ROBO2: variants seen among roughly 807,000 people sequenced by gnomAD.
The protein encoded by ROBO2 is roundabout guidance receptor 2, also known as roundabout homolog 2.
ROBO2 carries 53 observed loss-of-function variants against 160.8 expected under a neutral mutation model. That is an observed-to-expected ratio of 0.33 (90% CI 0.26 to 0.41). The LOEUF (loss-of-function observed/expected upper bound fraction) is 0.41. Ranked by LOEUF, ROBO2 falls within the 10% of genes least tolerant of loss-of-function variation. ROBO2 has a pLI of 1.00. For missense variants in ROBO2, 1,577 were observed against 1,722.4 expected, an observed-to-expected ratio of 0.92 and a Z score of 1.49; for synonymous variants, 664 against 611.7, an observed-to-expected ratio of 1.09 and a Z score of -1.26.
At chr3:77,524,265 T>C (rs548522912) in intron 6 of ROBO2, among the ~76,000 whole-genome samples, 7 of 136,476 alleles carry the variant, frequency 5.1e-5, no homozygotes, top group Non-Finnish European at 7.8e-5. Flanking sequence ...TAAAGGACTA[T>C]GATCATATAT....
intron 16 of ROBO2, among the ~76,000 whole-genome samples, chr3:77,582,970 T>C (rs551214110): frequency 1.3e-5 from 2 of 151,700 alleles, no homozygotes; most frequent in South Asian, 4.2e-4. Context: ...TGAAACCCCA[T>C]CTCTAGTAAA....
intron 2 of ROBO2, among the ~76,000 whole-genome samples, chr3:76,575,140 G>C (rs774982069): frequency 7.9e-5 from 12 of 151,998 alleles, no homozygotes; most frequent in Non-Finnish European, 1.5e-4. Context: ...AGTTACACAG[G>C]CTGGACTTGA....
At chr3:76,573,443 ATACTG>A (rs2085074377) in intron 2 of ROBO2, among the ~76,000 whole-genome samples, 1 of 152,074 alleles carries the variant, frequency 6.6e-6, no homozygotes, top group Non-Finnish European at 1.5e-5. Context: ...GATTAGAACC[ATACTG>A]TAAAGTTTCA....
chr3:76,885,825 G>T (rs1291478210), intron 2 of ROBO2, among the ~76,000 whole-genome samples: 1 of 152,022 alleles, frequency 6.6e-6, no homozygotes, highest in African/African-American at 2.4e-5. Context: ...TGCTCACATG[G>T]CACATTTTTC....
chr3:77,369,601 A>G (rs2071445064), intron 2 of ROBO2, among the ~76,000 whole-genome samples: 1 of 152,184 alleles, frequency 6.6e-6, no homozygotes. Context: ...ATTGGATCCC[A>G]TAGAACCATG....
At chr3:76,454,278 G>A (rs2077632396) in intron 2 of ROBO2, among the ~76,000 whole-genome samples, 2 of 152,278 alleles carry the variant, frequency 1.3e-5, no homozygotes, top group South Asian at 4.1e-4. Flanking sequence ...TGAATAATTT[G>A]TTAGTTTTGC....
At chr3:76,934,609 T>C (rs2077569710) in intron 2 of ROBO2, among the ~76,000 whole-genome samples, 1 of 151,992 alleles carries the variant, frequency 6.6e-6, no homozygotes, top group South Asian at 2.1e-4. Flanking sequence ...GACATGGTGG[T>C]GCATGCCTGT....
chr3:76,890,581 T>G (rs1262425602), intron 2 of ROBO2, among the ~76,000 whole-genome samples: 2 of 152,200 alleles, frequency 1.3e-5, no homozygotes, highest in Admixed American at 6.5e-5. Context: ...TGTATGTGTG[T>G]GTACAGTATT....
intron 2 of ROBO2, among the ~76,000 whole-genome samples, chr3:76,702,380 C>T (rs1228946840): frequency 1.3e-5 from 2 of 151,952 alleles, no homozygotes; most frequent in African/African-American, 4.8e-5. Flanking sequence ...AAATGAGTTT[C>T]ATTTAATGCA....
Position 76,532,007 on chromosome 3 carries a change from T to C in ROBO2, c.110-566007T>C, listed in dbSNP as rs141153396. 5.8e-4 allele frequency among the ~76,000 whole-genome samples: 88 copies of C among 152,234 alleles called. No homozygotes were observed. The East Asian group carries it at 0.016, about 28-fold the overall frequency. ...TTAGGCAGGAGTTAAACCCGTTTCT[T>C]TTCAACACCAGAACCTGAGCTCTTA... On this transcript the variant is annotated intron_variant, in intron 2 of 26. Coordinates refer to the ROBO2 transcript ENST00000487694.
chr3:76,454,029 T>C (rs2077616947), intron 2 of ROBO2, among the ~76,000 whole-genome samples: 1 of 152,130 alleles, frequency 6.6e-6, no homozygotes, highest in South Asian at 2.1e-4. Flanking sequence ...GTTGTGTGTT[T>C]CTCCAAAGAC....
intron 2 of ROBO2, among the ~76,000 whole-genome samples, chr3:76,664,522 A>G (rs764899055): frequency 4.6e-5 from 7 of 152,224 alleles, no homozygotes; most frequent in Non-Finnish European, 8.8e-5. Flanking sequence ...GAAGTTGAGT[A>G]TGGAGCTTGG....
At chr3:76,039,300 A>T (rs778921983) in intron 2 of ROBO2, among the ~76,000 whole-genome samples, 10 of 151,972 alleles carry the variant, frequency 6.6e-5, no homozygotes, top group African/African-American at 1.2e-4. Context: ...TTGAAGGGTG[A>T]TGGGTTGAAT....
chr3:76,589,448 C>T (rs1352002130), intron 2 of ROBO2, among the ~76,000 whole-genome samples: 4 of 152,166 alleles, frequency 2.6e-5, no homozygotes, highest in East Asian at 1.9e-4. Context: ...CTACAGGCGC[C>T]GCCACCACGC....
chr3:75,987,797 T>G (rs614854), intron 2 of ROBO2, among the ~76,000 whole-genome samples: 67,215 of 151,778 alleles, frequency 0.44, 16,290 homozygotes, highest in South Asian at 0.67. Context: ...ATTGAGACAA[T>G]TATGCTTATT....
chr3:76,856,411 C>T (rs1269999367), intron 2 of ROBO2, among the ~76,000 whole-genome samples: 1 of 152,100 alleles, frequency 6.6e-6, no homozygotes, highest in African/African-American at 2.4e-5. Context: ...ACACAGTTAC[C>T]CATTCCCTCC....
intron 2 of ROBO2, among the ~76,000 whole-genome samples, chr3:76,467,171 A>G (rs894856877): frequency 3.3e-5 from 5 of 152,120 alleles, no homozygotes; most frequent in African/African-American, 1.2e-4. Context: ...CTTTTTAACC[A>G]AGCCATTGGA....
chr3:77,486,475 G>T (rs1323579059), intron 4 of ROBO2, among the ~76,000 whole-genome samples: 1 of 152,104 alleles, frequency 6.6e-6, no homozygotes, highest in Non-Finnish European at 1.5e-5. Flanking sequence ...GCATGAGATG[G>T]TATCTCACTG....
At chr3:77,574,679 G>A in exon 14 of ROBO2, 1 of 1,613,236 alleles carries the variant, frequency 6.2e-7, no homozygotes, top group Non-Finnish European at 8.5e-7. Context: ...ATATTTTAAT[G>A]AGTTCCAAGG....
Sources: allele counts gnomAD v4.1 joint callset (sites outside exome capture counted in the v4.1 genomes callset), GRCh38; gene constraint gnomAD v4.1.1; transcripts MANE v1.5; gene names NCBI Gene and HGNC (gene_info 2026-07-23, HGNC 2026-07-21).